LETM2: variants seen among roughly 807,000 people sequenced by gnomAD.
LETM2 encodes leucine zipper and EF-hand containing transmembrane protein 2, also known as LETM1 domain-containing protein LETM2, mitochondrial.
A neutral mutation model predicts 59.6 loss-of-function variants in LETM2; 58 were observed. That is an observed-to-expected ratio of 0.97 (90% CI 0.79 to 1.21). The LOEUF (loss-of-function observed/expected upper bound fraction) is 1.21, where lower values mean the gene tolerates loss of function less well. LETM2 is among the 50% of genes most tolerant of loss of function. LETM2 has a pLI of 0.00. For missense variants in LETM2, 572 were observed against 575.7 expected, an observed-to-expected ratio of 0.99 and a Z score of 0.07; for synonymous variants, 199 against 214.1, an observed-to-expected ratio of 0.93 and a Z score of 0.62.
chr8:38,393,643 A>C (rs1812472412), intron 3 of LETM2: 1 of 153,082 alleles, frequency 6.5e-6, no homozygotes, highest in South Asian at 2.1e-4. Context: ...CCATCTCAAA[A>C]AAACAAACAA....
chr8:38,383,985 G>A (rs901585667), upstream of LETM2, among the ~76,000 whole-genome samples: 1 of 151,646 alleles, frequency 6.6e-6, no homozygotes, highest in African/African-American at 2.4e-5. Flanking sequence ...TTAAACGTAT[G>A]CTTTAAGTAG....
intron 7 of LETM2, among the ~76,000 whole-genome samples, chr8:38,403,306 T>C (rs1205036785): frequency 1.3e-5 from 2 of 152,190 alleles, no homozygotes; most frequent in African/African-American, 4.8e-5. Context: ...GTTGAATAAC[T>C]AGGAGAGGGT....
chr8:38,407,339 A>G (rs769222507), intron 9 of LETM2, 23 bp from the exon 10 acceptor site: 2 of 1,522,562 alleles, frequency 1.3e-6, no homozygotes, highest in Admixed American at 3.3e-5. Context: ...TCAGTAACCC[A>G]ACTCTCAGTT....
chr8:38,393,434 C>T (rs1393779346), intron 3 of LETM2: 1 of 166,458 alleles, frequency 6.0e-6, no homozygotes, highest in Non-Finnish European at 1.3e-5. Context: ...CACTTGAGGT[C>T]AGGAGTTCAA....
intron 7 of LETM2, 104 bp from the exon 8 acceptor site, chr8:38,404,289 G>C: frequency 1.3e-6 from 1 of 780,292 alleles, no homozygotes; most frequent in Non-Finnish European, 2.2e-6. Context: ...TGGCGGAAAG[G>C]GCGGGGGCGG....
rs112379121 is a variant in LETM2 at position 38,402,124 on chromosome 8, G to C, written c.985-401G>C. Among the ~76,000 whole-genome samples, 924 of 152,248 alleles carry C rather than the reference G, an allele frequency of 6.1e-3. 7 individuals are homozygous for C. Among genetic ancestry groups the C allele is most frequent in the African/African-American group, 0.02 (834 of 41,548 alleles). On this transcript the variant is annotated intron_variant, in intron 6 of 10. Coordinates refer to ENST00000379957, the MANE Select transcript of LETM2 (RefSeq NM_001286819.2). The stretch of plus-strand genomic sequence containing the variant: ...GTTAGGGCCATTTCTGGGGGTGTTG[G>C]GGGGACAGCAGGGGAGAACACTACA...
In LETM2 at chr8:38,407,471, T is replaced by C; in HGVS notation, c.1413+8T>C. The C allele has an allele frequency of 1.3e-6, 2 of 1,540,166 alleles. No individual in the cohort carries two copies. The highest frequency in any genetic ancestry group is 1.8e-6 in the Non-Finnish European group (2 of 1,113,818). ...ACTTCTTCTGAAGAACCTGTAAGTA[T>C]CTTTAATAAATGAAAAAGAAAGAGA... On this transcript the variant is annotated splice_region_variant and intron_variant, in intron 10 of 10. Transcript: ENST00000379957.
intron 1 of LETM2, 33 bp from the exon 2 acceptor site, chr8:38,387,917 C>G (rs1309242199): frequency 1.2e-6 from 1 of 838,496 alleles, no homozygotes; most frequent in East Asian, 2.7e-5. Context: ...TATTTTTAAA[C>G]TACTAAATTG....
upstream of LETM2, chr8:38,386,210 C>T (rs531665372): frequency 6.6e-6 from 1 of 152,330 alleles, no homozygotes; most frequent in East Asian, 1.9e-4. Flanking sequence ...CCTGTTTAAT[C>T]CAGTCTTCAA....
At chr8:38,398,783 C>T (rs28624474) in intron 4 of LETM2, among the ~76,000 whole-genome samples, 5 of 142,326 alleles carry the variant, frequency 3.5e-5, no homozygotes, top group African/African-American at 1.3e-4. Flanking sequence ...AGTGCAGTAG[C>T]GTTATCTCGG....
intron 7 of LETM2, among the ~76,000 whole-genome samples, chr8:38,403,571 A>G (rs770478049): frequency 6.6e-6 from 1 of 152,254 alleles, no homozygotes; most frequent in African/African-American, 2.4e-5. Flanking sequence ...AAGAGCATCA[A>G]TGCTTTAAAA....
chr8:38,407,248 G>A, intron 9 of LETM2, 114 bp from the exon 10 acceptor site: 1 of 911,674 alleles, frequency 1.1e-6, no homozygotes. Context: ...TTTGAATCCT[G>A]TGCCAGGATA....
Position 38,404,469 on chromosome 8 carries a change from T to G in LETM2, c.1181T>G (p.Val394Gly), listed in dbSNP as rs200474752. ...LLSRTFYLID[V>G]KPKPIEIPLS... ...TCCCGCACCTTCTACCTGATAGATG[T>G]GAAGCCCAAGCCGATTGAGATACCA... Residue 394 changes from valine (V) to glycine (G), a missense_variant, in exon 8 of 11, where the codon GTG becomes GGG. Physicochemically the swap from Val to Gly is moderately radical, Grantham distance 109. Transcript: ENST00000379957. 631 of 1,614,036 alleles carry G rather than the reference T, an allele frequency of 3.9e-4. 3 individuals are homozygous for G. The highest frequency in any genetic ancestry group is 1.0e-4 in the Non-Finnish European group (123 of 1,179,930).
At chr8:38,400,708 T>G (rs1813129616) in intron 5 of LETM2, 145 bp from the exon 6 acceptor site, 1 of 769,872 alleles carries the variant, frequency 1.3e-6, no homozygotes, top group South Asian at 1.8e-5. Context: ...TTCAGATGGA[T>G]ATCTTTTCTT....
Position 38,408,070 on chromosome 8 carries a change from A to G in LETM2, c.1414-142A>G, listed in dbSNP as rs142183507. ...ACCTTGTTTTTTGTAAATCTCCTTT[A>G]TCTTTTATTACCAAGGTAAATTATA... On this transcript the variant is annotated intron_variant, in intron 10 of 10. Coordinates refer to ENST00000379957, the MANE Select transcript of LETM2 (RefSeq NM_001286819.2). 2.8e-5 allele frequency: 18 copies of G among 643,830 alleles called. No homozygotes were observed. The African/African-American group carries it at 3.1e-4, about 11-fold the overall frequency. 39.9% of individuals were successfully genotyped at this position (643,830 alleles called of 1,614,324 possible).
chr8:38,394,236 A>G lies in LETM2; in HGVS notation c.640A>G (p.Lys214Glu), dbSNP rs1016723565. 5.5e-6 allele frequency: 8 copies of G among 1,466,414 alleles called. No individual in the cohort carries two copies. The highest frequency in any genetic ancestry group is 1.4e-5 in the African/African-American group (1 of 70,040). The allele number at this position is 1,466,414 out of a possible 1,614,324, so 90.8% of individuals were successfully genotyped here. Reference sequence around the variant, plus strand: ...GCCATCAACTTTTGAAAGTGAATCCAAAAAGGTATGATTTTTTAACTTTAA... The same window carrying G: ...GCCATCAACTTTTGAAAGTGAATCCGAAAAGGTATGATTTTTTAACTTTAA... ...MLPSTFESES[K>E]KEEKQKKKMA... Residue 214 changes from lysine (K) to glutamate (E), a missense_variant, in exon 4 of 11, where the codon AAA becomes GAA. Physicochemically the swap from Lys to Glu is moderately conservative, Grantham distance 56. Transcript: ENST00000379957.
chr8:38,391,203 A>AC (rs1161766412), intron 2 of LETM2, among the ~76,000 whole-genome samples: 24 of 143,816 alleles, frequency 1.7e-4, no homozygotes, highest in African/African-American at 6.1e-4. Flanking sequence ...AAAAAACAAA[A>AC]AAAAAAACCA....
rs770029509 is a variant in LETM2, at chr8:38,407,369, A to T, written c.1319A>T (p.Asp440Val). 1.2e-6 allele frequency: 2 copies of T among 1,609,896 alleles called. No homozygotes were observed. The highest frequency in any genetic ancestry group is 2.2e-5 in the South Asian group (2 of 90,996). Reference protein sequence around the residue: ...APQLKGTKDEDFIQPPPVTSS... With the variant: ...APQLKGTKDEVFIQPPPVTSS... ...TCAGTTCTGATGTTTAAGGATGAAGACTTTATACAGCCGCCACCAGTTACA... is the reference window on the plus strand; with the variant it reads ...TCAGTTCTGATGTTTAAGGATGAAGTCTTTATACAGCCGCCACCAGTTACA... The change falls in exon 10 of 11, where the codon GAC becomes GTC. Residue 440 changes from aspartate (D) to valine (V), a missense_variant. Physicochemically the swap from Asp to Val is radical, Grantham distance 152. Coordinates refer to ENST00000379957, the MANE Select transcript of LETM2 (RefSeq NM_001286819.2).
chr8:38,389,766 C>T (rs1349518576), intron 2 of LETM2, among the ~76,000 whole-genome samples: 6 of 151,768 alleles, frequency 4.0e-5, no homozygotes, highest in Admixed American at 3.3e-4. Flanking sequence ...TTTGGGAGGC[C>T]GAGGCGGGTG....
Sources: allele counts gnomAD v4.1 joint callset (sites outside exome capture counted in the v4.1 genomes callset), GRCh38; gene constraint gnomAD v4.1.1; transcripts MANE v1.5; gene names NCBI Gene and HGNC (gene_info 2026-07-23, HGNC 2026-07-21).